Variants in PCM1 observed in about 807,000 individuals in gnomAD.
PCM1 encodes the protein pericentriolar material 1 protein.
A neutral mutation model predicts 241.9 loss-of-function variants in PCM1; 157 were observed. That is an observed-to-expected ratio of 0.65 (90% CI 0.57 to 0.74). The LOEUF (loss-of-function observed/expected upper bound fraction) is 0.74, where lower values mean the gene tolerates loss of function less well. PCM1 is among the 30% of genes least tolerant of loss of function. The pLI is 0.00. For synonymous variants in PCM1, 1,085 were observed against 784.9 expected (o/e 1.38, Z -6.39); for missense variants, 3,478 against 2,360.1 (o/e 1.47, Z -9.81).
intron 36 of PCM1, 61 bp from the exon 37 acceptor site, chr8:18,025,297 TTTC>T: frequency 1.2e-6 from 1 of 866,014 alleles, no homozygotes; most frequent in Non-Finnish European, 1.9e-6. Flanking sequence ...TAATTCACTA[TTTC>T]TTTACATGGA....
chr8:17,951,852 C>T lies in PCM1; in HGVS notation c.1072-1118C>T, dbSNP rs185023039. ...AATATGGGAAAATCTTAAAATTTGA[C>T]TAAGCATAATGGGAGATATTCATTA... is the stretch of plus-strand genomic sequence containing the variant. On this transcript the variant is annotated intron_variant, in intron 8 of 38. Coordinates refer to ENST00000325083, the MANE Select transcript of PCM1 (RefSeq NM_006197.4). Among the ~76,000 whole-genome samples, 3 of 152,210 alleles carry T rather than the reference C, an allele frequency of 2.0e-5. No individual in the cohort carries two copies. In the East Asian group the frequency reaches 5.8e-4, roughly 29 times the overall value.
At chr8:17,935,835 G>A (rs2060254561) in intron 3 of PCM1, 129 bp downstream of exon 3, 1 of 511,226 alleles carries the variant, frequency 2.0e-6, no homozygotes, top group Non-Finnish European at 3.6e-6. Context: ...AGGGACCCTG[G>A]GCCGTTTATT....
intron 2 of PCM1, among the ~76,000 whole-genome samples, chr8:17,931,011 C>G (rs765723261): frequency 1.1e-4 from 17 of 152,150 alleles, no homozygotes; most frequent in Non-Finnish European, 2.2e-4. Flanking sequence ...ACAAAGTATT[C>G]TACCCCCTAT....
At position 17,964,580 on chromosome 8, in the gene PCM1, T is replaced by A; in HGVS notation, c.2667T>A (p.Thr889=). The change falls in exon 18 of 39, where the codon ACT becomes ACA. Residue 889 remains threonine (T), a synonymous_variant. Transcript: ENST00000325083. ...QQSRTEKTMA[T]WGGSTQCALD... ...TCTTAATCACTAGAACGATGGCAAC[T>A]TGGGGAGGGTCTACCCAGTGTGCAC... is the stretch of plus-strand genomic sequence containing the variant. The A allele has an allele frequency of 6.2e-7, 1 of 1,613,070 alleles. No homozygotes were observed. Among genetic ancestry groups the A allele is most frequent in the Non-Finnish European group, 8.5e-7 (1 of 1,179,320 alleles).
intron 26 of PCM1, among the ~76,000 whole-genome samples, chr8:17,986,853 A>G (rs2082776552): frequency 2.6e-5 from 4 of 151,844 alleles, no homozygotes; most frequent in Admixed American, 2.6e-4. Context: ...TTCGTAGTTG[A>G]TTAGCAAATA....
chr8:17,953,133 A>G lies in PCM1; in HGVS notation c.1235A>G (p.Lys412Arg), dbSNP rs1390716712. 6.9e-6 allele frequency: 11 copies of G among 1,591,586 alleles called. No individual in the cohort carries two copies. The highest frequency in any genetic ancestry group is 1.1e-5 in the South Asian group (1 of 87,526). ...VLQEKKQKMD[K>R]LLGELHTLRD... ...CAGGAAAAGAAACAAAAAATGGACAAATTGCTTGGAGAACTTCATACACTT... is the reference window on the plus strand; with the variant it reads ...CAGGAAAAGAAACAAAAAATGGACAGATTGCTTGGAGAACTTCATACACTT... The change falls in exon 9 of 39, where the codon AAA becomes AGA. Residue 412 changes from lysine to arginine, a missense_variant. Physicochemically the swap from Lys to Arg is conservative, Grantham distance 26. Transcript: ENST00000325083.
intron 2 of PCM1, among the ~76,000 whole-genome samples, chr8:17,932,315 C>G (rs552933903): frequency 6.6e-6 from 1 of 152,000 alleles, no homozygotes; most frequent in African/African-American, 2.4e-5. Context: ...AGAATTACTG[C>G]GTCAAAAATT....
intron 6 of PCM1, among the ~76,000 whole-genome samples, chr8:17,941,903 T>C (rs1283020104): frequency 6.6e-6 from 1 of 152,162 alleles, no homozygotes; most frequent in African/African-American, 2.4e-5. Context: ...TTTCCTCTTC[T>C]TTATTTGCTT....
At chr8:18,012,760 A>C (rs1470345315) in intron 34 of PCM1, among the ~76,000 whole-genome samples, 2 of 152,080 alleles carry the variant, frequency 1.3e-5, no homozygotes, top group Non-Finnish European at 2.9e-5. Flanking sequence ...ATTAGTACTC[A>C]TGGATTGATC....
intron 2 of PCM1, chr8:17,928,023 A>G (rs778804280): frequency 6.6e-6 from 1 of 151,444 alleles, no homozygotes; most frequent in Non-Finnish European, 1.5e-5. Flanking sequence ...TTAGTAAGGC[A>G]TAGCATGAGT....
At chr8:18,013,707 A>T in intron 34 of PCM1, 1 of 332,124 alleles carries the variant, frequency 3.0e-6, no homozygotes, top group Non-Finnish European at 5.4e-6. Context: ...GAGTCTGAAA[A>T]AAAATGAACA....
chr8:18,001,228 T>C (rs2089302435), intron 29 of PCM1, among the ~76,000 whole-genome samples: 1 of 152,230 alleles, frequency 6.6e-6, no homozygotes, highest in African/African-American at 2.4e-5. Context: ...CAATTTTCTA[T>C]TAATTATTTT....
At chr8:17,949,083 C>G (rs1442635758) in intron 7 of PCM1, among the ~76,000 whole-genome samples, 3 of 152,062 alleles carry the variant, frequency 2.0e-5, no homozygotes, top group African/African-American at 4.8e-5. Flanking sequence ...CAGATAATTT[C>G]TTTTTAAAAA....
At chr8:17,974,893 A>ACACACAC (rs397823449) in intron 23 of PCM1, among the ~76,000 whole-genome samples, 2 of 151,480 alleles carry the variant, frequency 1.3e-5, no homozygotes, top group African/African-American at 2.4e-5. Flanking sequence ...ACACACACAC[A>ACACACAC]AATAAAAGGC....
At chr8:17,947,502 C>T (rs1294844617) in intron 7 of PCM1, 139 bp downstream of exon 7, 8 of 619,026 alleles carry the variant, frequency 1.3e-5, no homozygotes, top group Admixed American at 6.3e-5. Flanking sequence ...TTATACTTTC[C>T]TGTGCTTTTC....
chr8:17,967,889 A>C (rs1206568892), intron 21 of PCM1, among the ~76,000 whole-genome samples: 1 of 152,110 alleles, frequency 6.6e-6, no homozygotes, highest in Non-Finnish European at 1.5e-5. Flanking sequence ...CTCATTATGT[A>C]CCAGACACTA....
At chr8:18,012,186 A>G (rs1295022723) in intron 34 of PCM1, among the ~76,000 whole-genome samples, 1 of 152,074 alleles carries the variant, frequency 6.6e-6, no homozygotes. Context: ...TAAATTATAC[A>G]CTGTTTTTAG....
rs888266001 is a variant in PCM1 at position 18,011,095 on chromosome 8, T to C, written c.5221-142T>C. The stretch of plus-strand genomic sequence containing the variant: ...TGACCTTTTTCCTGACACTTTTTTA[T>C]TTTAAAAATAAAACTAGACTATCAA... On this transcript the variant is annotated intron_variant, in intron 32 of 38. Transcript: ENST00000325083. 13 of 559,396 alleles carry C rather than the reference T, an allele frequency of 2.3e-5. No individual in the cohort carries two copies. In the African/African-American group the frequency reaches 2.5e-4, roughly 11 times the overall value. 34.7% of individuals were successfully genotyped at this position (559,396 alleles called of 1,614,324 possible). A position where few individuals can be genotyped will look rare whatever the true frequency, so the allele number is the denominator to read the frequency against.
At chr8:17,976,395 C>T (rs1388001693) in intron 23 of PCM1, among the ~76,000 whole-genome samples, 6 of 152,142 alleles carry the variant, frequency 3.9e-5, no homozygotes, top group African/African-American at 1.4e-4. Context: ...TGCAAATGTA[C>T]CCTACAAGGT....
Sources: allele counts gnomAD v4.1 joint callset (sites outside exome capture counted in the v4.1 genomes callset), GRCh38; gene constraint gnomAD v4.1.1; transcripts MANE v1.5; gene names NCBI Gene and HGNC (gene_info 2026-07-23, HGNC 2026-07-21).